The following CELF2 variants were observed in gnomAD, a reference collection of about 807,000 sequenced individuals.
CELF2 encodes the protein CUGBP Elav-like family member 2.
A neutral mutation model predicts 62.6 loss-of-function variants in CELF2; 8 were observed. The ratio of observed to expected loss-of-function variants is 0.13; its 90% confidence interval spans 0.07 to 0.23. The LOEUF (loss-of-function observed/expected upper bound fraction) is 0.23, where lower values mean the gene tolerates loss of function less well. Among genes scored for constraint, CELF2 ranks in the 10% least tolerant of loss-of-function variants. The pLI, the probability that CELF2 is intolerant of heterozygous loss-of-function variation, is 1.00. For missense variants in CELF2, 333 were observed against 671.0 expected (o/e 0.50, Z 5.56); for synonymous variants, 258 against 250.0 (o/e 1.03, Z -0.30).
the CELF2 span, among the ~76,000 whole-genome samples, chr10:10,466,952 G>A: frequency 1.3e-5 from 2 of 151,950 alleles, no homozygotes; most frequent in Admixed American, 6.6e-5. Context: ...CTTTTCAGAT[G>A]AGTGTATGGA....
At chr10:10,760,851 G>C in the CELF2 span, among the ~76,000 whole-genome samples, 3 of 152,094 alleles carry the variant, frequency 2.0e-5, no homozygotes, top group Non-Finnish European at 4.4e-5. Flanking sequence ...CAGGGAAGGA[G>C]AGAGATGGAA....
In CELF2 at chr10:11,335,348, A is replaced by G. The variant is rs2096099241; in HGVS notation, c.*6295A>G. ...CTCTCCTTCCAGTATTTTCAGACGC[A>G]CAAGCTCTGACTCAGGCCACCCAGC... On this transcript the variant is annotated 3_prime_UTR_variant, in exon 13 of 13. Transcript: ENST00000633077. The surrounding 1 kb of genome is among the most constrained non-coding windows in gnomAD (Gnocchi z 5.0). 2.0e-5 allele frequency: 3 copies of G among 152,468 alleles called. No homozygotes were observed. The South Asian group carries it at 6.2e-4, about 32-fold the overall frequency. The allele number at this position is 152,468 out of a possible 1,614,324, so 9.4% of individuals were successfully genotyped here. A position where few individuals can be genotyped will look rare whatever the true frequency, so the allele number is the denominator to read the frequency against.
chr10:10,828,501 G>C (rs987292671), intron 1 of CELF2, among the ~76,000 whole-genome samples: 9 of 152,160 alleles, frequency 5.9e-5, no homozygotes, highest in African/African-American at 2.2e-4. Context: ...GTGGCGGTCA[G>C]GCACTGTGTG....
At chr10:11,102,000 T>C (rs1480466014) in intron 1 of CELF2, 1 of 152,248 alleles carries the variant, frequency 6.6e-6, no homozygotes, top group Non-Finnish European at 1.5e-5. Flanking sequence ...AAGGGTGTTT[T>C]TTTCTTTCAT....
the CELF2 span, among the ~76,000 whole-genome samples, chr10:10,612,257 A>C: frequency 2.0e-5 from 3 of 152,180 alleles, no homozygotes; most frequent in Non-Finnish European, 4.4e-5. Flanking sequence ...CGTACATTCC[A>C]TCTTTTGGTT....
the CELF2 span, among the ~76,000 whole-genome samples, chr10:10,621,080 T>A: frequency 2.2e-4 from 32 of 145,416 alleles, no homozygotes; most frequent in Non-Finnish European, 2.7e-4. Flanking sequence ...AAATAAAAAA[T>A]AATAATAATA....
the CELF2 span, among the ~76,000 whole-genome samples, chr10:10,560,197 T>C: frequency 6.6e-6 from 1 of 152,200 alleles, no homozygotes. Context: ...TGACTCTGAA[T>C]TCATTCTTTC....
At chr10:10,950,784 G>C (rs1385232744) in intron 2 of CELF2, among the ~76,000 whole-genome samples, 1 of 152,258 alleles carries the variant, frequency 6.6e-6, no homozygotes, top group African/African-American at 2.4e-5. Context: ...AGACAGAAGA[G>C]CAGCAGCTAT....
chr10:11,181,564 A>G (rs1205497284), intron 2 of CELF2, among the ~76,000 whole-genome samples: 1 of 152,210 alleles, frequency 6.6e-6, no homozygotes, highest in South Asian at 2.1e-4. Context: ...CATCCAGTGC[A>G]TATGCCATTG....
chr10:10,741,492 CA>C, the CELF2 span, among the ~76,000 whole-genome samples: 108 of 57,334 alleles, frequency 1.9e-3, no homozygotes, highest in East Asian at 4.5e-3. Context: ...GACTCCGTCT[CA>C]AAAAAAAAAA....
At chr10:11,225,260 G>T (rs1036055151) in intron 3 of CELF2, among the ~76,000 whole-genome samples, 53 of 152,234 alleles carry the variant, frequency 3.5e-4, no homozygotes, top group African/African-American at 1.3e-3. Context: ...GGTCCTCATT[G>T]TCCCTGCCTG....
chr10:10,606,357 C>T, the CELF2 span, among the ~76,000 whole-genome samples: 4 of 152,158 alleles, frequency 2.6e-5, no homozygotes, highest in Non-Finnish European at 4.4e-5. Flanking sequence ...AAATCTTAAT[C>T]GCAGTCCTGA....
At chr10:10,915,348 G>A (rs887235104) in intron 1 of CELF2, among the ~76,000 whole-genome samples, 1 of 152,188 alleles carries the variant, frequency 6.6e-6, no homozygotes, top group Non-Finnish European at 1.5e-5. Context: ...TTTGGTGTGT[G>A]CCAGGCACTG....
rs2093254309 is a variant in CELF2 at position 11,296,967 on chromosome 10, C to G, written c.976+8415C>G. On this transcript the variant is annotated intron_variant, in intron 9 of 12. Coordinates refer to ENST00000633077, the MANE Select transcript of CELF2 (RefSeq NM_001326342.2). This position sits in a 1 kb window ranked among gnomAD's most constrained non-coding sequence, Gnocchi z 5.0. Reference sequence around the variant, plus strand: ...TGGAAAAGGATGCCCACCGGGGACCCTGAGAGCCGGGGCTCAGGAGCTGGG... The same window carrying G: ...TGGAAAAGGATGCCCACCGGGGACCGTGAGAGCCGGGGCTCAGGAGCTGGG... Among the ~76,000 whole-genome samples, 1 of 152,196 alleles carries G rather than the reference C, an allele frequency of 6.6e-6. No homozygotes were observed. Among genetic ancestry groups the G allele is most frequent in the Non-Finnish European group, 1.5e-5 (1 of 68,026 alleles).
At position 11,220,624 on chromosome 10, in the gene CELF2, C is replaced by T. The variant is rs969705601; in HGVS notation, c.354+3117C>T. Among the ~76,000 whole-genome samples the T allele has an allele frequency of 3.3e-5, 5 of 152,180 alleles. No individual in the cohort carries two copies. Among genetic ancestry groups the T allele is most frequent in the African/African-American group, 4.8e-5 (2 of 41,442 alleles). On this transcript the variant is annotated intron_variant, in intron 3 of 12. Coordinates refer to ENST00000633077, the MANE Select transcript of CELF2 (RefSeq NM_001326342.2). The surrounding 1 kb of genome is among the most constrained non-coding windows in gnomAD (Gnocchi z 4.4). ...TCTTACTGGGTAACCAAAGAAGACG[C>T]TCTGTTTTACATCCCCTGAAATTCT...
In CELF2 at chr10:11,178,065, C is replaced by T. The variant is rs1457173441; in HGVS notation, c.271+12383C>T. On this transcript the variant is annotated intron_variant, in intron 2 of 12. Coordinates refer to ENST00000633077, the MANE Select transcript of CELF2 (RefSeq NM_001326342.2). This position sits in a 1 kb window ranked among gnomAD's most constrained non-coding sequence, Gnocchi z 4.3. ...TTTGCAAAGAGGTCAGATCCCTACA[C>T]ATGAAACGCTGCGGCCACAGCTGCA... Among the ~76,000 whole-genome samples, 1 of 152,228 alleles carries T rather than the reference C, an allele frequency of 6.6e-6. No individual in the cohort carries two copies. Among genetic ancestry groups the T allele is most frequent in the Non-Finnish European group, 1.5e-5 (1 of 68,048 alleles).
chr10:10,965,388 G>C (rs1022757201), intron 2 of CELF2, among the ~76,000 whole-genome samples: 2 of 152,148 alleles, frequency 1.3e-5, no homozygotes, highest in Non-Finnish European at 2.9e-5. Context: ...ACTTAAAACA[G>C]CTTTAATTGA....
chr10:11,140,145 TAAAAG>T (rs146172440), intron 1 of CELF2, among the ~76,000 whole-genome samples: 14,852 of 152,210 alleles, frequency 0.098, 785 homozygotes, highest in Middle Eastern at 0.18. Context: ...AAATTTGCCT[TAAAAG>T]AAATCTGGTT....
intron 2 of CELF2, among the ~76,000 whole-genome samples, chr10:11,203,830 A>G (rs1339606694): frequency 6.6e-6 from 1 of 152,188 alleles, no homozygotes; most frequent in Non-Finnish European, 1.5e-5. Flanking sequence ...CGTTCTCACC[A>G]TGGAAACTCT....
Sources: gnomAD v4.1 joint callset for allele counts (sites outside exome capture counted in the v4.1 genomes callset) on GRCh38, gnomAD v4.1.1 for gene constraint, Gnocchi (gnomAD v3.1) non-coding constraint, MANE v1.5 for transcripts, NCBI Gene and HGNC (gene_info 2026-07-23, HGNC 2026-07-21) for gene names.